The following LMO1 variants were observed in gnomAD, a reference collection of about 807,000 sequenced individuals.
LMO1 encodes the protein rhombotin-1.
LMO1 carries 10 observed loss-of-function variants against 18.0 expected under a neutral mutation model. That is an observed-to-expected ratio of 0.55 (90% CI 0.34 to 0.94). LMO1 has a LOEUF of 0.94. Ranked by LOEUF, LMO1 falls within the 40% of genes least tolerant of loss-of-function variation. The probability of loss-of-function intolerance (pLI) is 0.02; values close to 1 mark genes in which losing one functional copy is unlikely to be tolerated. For missense variants in LMO1, 183 were observed against 205.7 expected, an observed-to-expected ratio of 0.89 and a Z score of 0.68; for synonymous variants, 77 against 77.9, an observed-to-expected ratio of 0.99 and a Z score of 0.06.
At chr11:8,227,241 G>A (rs926280816) in intron 2 of LMO1, 141 bp from the exon 3 acceptor site, 7 of 1,355,560 alleles carry the variant, frequency 5.2e-6, no homozygotes, top group Non-Finnish European at 5.9e-6. Flanking sequence ...TAGGATAAGA[G>A]CACTGAGGGC....
At chr11:8,250,876 A>G (rs148562533) in intron 1 of LMO1, among the ~76,000 whole-genome samples, 1 of 152,356 alleles carries the variant, frequency 6.6e-6, no homozygotes, top group East Asian at 1.9e-4. Context: ...GCCCTAGGCT[A>G]TGACTTCCAC....
rs529126899 is a variant in LMO1 at position 8,262,395 on chromosome 11, T to C, written c.25+943A>G. Reference sequence around the variant, plus strand: ...CAAGGTACTGCCTCTCTCCTTACCCTGGGGACTCATCTTAGGGCACCCACT... The same window carrying C: ...CAAGGTACTGCCTCTCTCCTTACCCCGGGGACTCATCTTAGGGCACCCACT... On this transcript the variant is annotated intron_variant, in intron 1 of 3. Coordinates refer to ENST00000335790, the MANE Select transcript of LMO1 (RefSeq NM_002315.3). 4.6e-5 allele frequency among the ~76,000 whole-genome samples: 7 copies of C among 152,268 alleles called. No individual in the cohort carries two copies. In the South Asian group the frequency reaches 1.4e-3, roughly 32 times the overall value.
Position 8,263,650 on chromosome 11 carries a change from G to A in LMO1, c.-288C>T. 7.6e-7 allele frequency: 1 copy of A among 1,320,914 alleles called. No homozygotes were observed. The highest frequency in any genetic ancestry group is 9.6e-7 in the Non-Finnish European group (1 of 1,039,266). The allele number at this position is 1,320,914 out of a possible 1,614,324, so 81.8% of individuals were successfully genotyped here. On this transcript the variant is annotated 5_prime_UTR_variant, in exon 1 of 4. Coordinates refer to ENST00000335790, the MANE Select transcript of LMO1 (RefSeq NM_002315.3). ...AGAGAGAAGGGGGAAAAGAGGATCAGAGCCGTTTCTTTGATTCTCACCTTC... is the reference window on the plus strand; with the variant it reads ...AGAGAGAAGGGGGAAAAGAGGATCAAAGCCGTTTCTTTGATTCTCACCTTC...
intron 1 of LMO1, among the ~76,000 whole-genome samples, chr11:8,254,201 A>T (rs1449056627): frequency 6.6e-6 from 1 of 152,212 alleles, no homozygotes; most frequent in Non-Finnish European, 1.5e-5. Flanking sequence ...CACAAAAGAA[A>T]TATTACTGTC....
upstream of LMO1, among the ~76,000 whole-genome samples, chr11:8,265,696 C>T (rs898764391): frequency 4.6e-5 from 7 of 152,312 alleles, no homozygotes; most frequent in African/African-American, 1.2e-4. Flanking sequence ...CCGCTGCCAC[C>T]GGCATATTTG....
At chr11:8,226,920 C>A in intron 3 of LMO1, 55 bp downstream of exon 3, 2 of 1,564,942 alleles carry the variant, frequency 1.3e-6, no homozygotes, top group East Asian at 2.3e-5. Context: ...CCCATCCCAG[C>A]AGGCCTCAGG....
At chr11:8,224,769 G>T (rs1404725420) in intron 3 of LMO1, 48 bp from the exon 4 acceptor site, 2 of 1,269,690 alleles carry the variant, frequency 1.6e-6, no homozygotes, top group South Asian at 2.5e-5. Context: ...GTCCCAGTGG[G>T]TAAGGGGGGG....
At chr11:8,234,309 G>A (rs758251350) in intron 1 of LMO1, among the ~76,000 whole-genome samples, 1 of 152,090 alleles carries the variant, frequency 6.6e-6, no homozygotes, top group Non-Finnish European at 1.5e-5. Context: ...TGACGGGGAC[G>A]CACTGCCAGA....
intron 1 of LMO1, among the ~76,000 whole-genome samples, chr11:8,259,014 C>T (rs1022172367): frequency 6.6e-6 from 1 of 152,206 alleles, no homozygotes; most frequent in Non-Finnish European, 1.5e-5. Context: ...TACACGCTCC[C>T]GTGCCTCCCC....
intron 1 of LMO1, among the ~76,000 whole-genome samples, chr11:8,253,815 G>A (rs530539831): frequency 6.6e-6 from 1 of 151,872 alleles, no homozygotes; most frequent in Admixed American, 6.6e-5. Flanking sequence ...TTTCCCCGCC[G>A]AGACTCAGAG....
chr11:8,232,651 C>G (rs1339752824), intron 1 of LMO1, among the ~76,000 whole-genome samples: 1 of 152,180 alleles, frequency 6.6e-6, no homozygotes, highest in African/African-American at 2.4e-5. Flanking sequence ...GGCTCACGTT[C>G]CTTTTGCTCA....
At position 8,224,628 on chromosome 11, in the gene LMO1, G is replaced by A; in HGVS notation, c.459C>T (p.Ser153=). The change falls in exon 4 of 4, where the codon TCC becomes TCT. Residue 153 remains serine (S), a synonymous_variant. Transcript: ENST00000335790. ...CAGGCGCCGGGCGTTACTGAACTTG[G>A]GATTCAAAGGTGCCATTGAGCTGCC... is the stretch of plus-strand genomic sequence containing the variant. The part of the protein sequence containing the change: ...EEGQLNGTFE[S]QVQ 6.2e-7 allele frequency: 1 copy of A among 1,603,412 alleles called. No homozygotes were observed.
chr11:8,260,559 G>A (rs1394006066), intron 1 of LMO1, among the ~76,000 whole-genome samples: 1 of 148,428 alleles, frequency 6.7e-6, no homozygotes, highest in Non-Finnish European at 1.5e-5. Context: ...TATTAATAAT[G>A]CACTGTGCTT....
chr11:8,267,116 C>T (rs1305698625), upstream of LMO1, among the ~76,000 whole-genome samples: 1 of 152,220 alleles, frequency 6.6e-6, no homozygotes, highest in Admixed American at 6.5e-5. Context: ...GACAGGCCTT[C>T]TTGCAAGCAG....
At chr11:8,234,080 C>T (rs1952718933) in intron 1 of LMO1, among the ~76,000 whole-genome samples, 1 of 152,194 alleles carries the variant, frequency 6.6e-6, no homozygotes, top group Non-Finnish European at 1.5e-5. Context: ...AACCAGTCCA[C>T]TCAACCCAGG....
intron 1 of LMO1, among the ~76,000 whole-genome samples, chr11:8,244,344 G>A (rs1467268054): frequency 6.6e-6 from 1 of 152,186 alleles, no homozygotes; most frequent in Admixed American, 6.5e-5. Context: ...AGCGTACCTG[G>A]GGAATGTTTA....
chr11:8,224,634 A>C lies in LMO1; in HGVS notation c.453T>G (p.Phe151Leu). The C allele has an allele frequency of 6.2e-7, 1 of 1,605,860 alleles. No individual in the cohort carries two copies. The highest frequency in any genetic ancestry group is 8.5e-7 in the Non-Finnish European group (1 of 1,175,228). Residue 151 changes from phenylalanine to leucine, a missense_variant, in exon 4 of 4, where the codon TTT becomes TTG. Physicochemically the swap from Phe to Leu is conservative, Grantham distance 22 (BLOSUM62 0). Coordinates refer to ENST00000335790, the MANE Select transcript of LMO1 (RefSeq NM_002315.3). Reference sequence around the variant, plus strand: ...CCGGGCGTTACTGAACTTGGGATTCAAAGGTGCCATTGAGCTGCCCTTCCT... The same window carrying C: ...CCGGGCGTTACTGAACTTGGGATTCCAAGGTGCCATTGAGCTGCCCTTCCT... ...DYEEGQLNGT[F>L]ESQVQ
chr11:8,245,623 G>C (rs1846881085), intron 1 of LMO1, among the ~76,000 whole-genome samples: 2 of 152,190 alleles, frequency 1.3e-5, no homozygotes, highest in South Asian at 4.1e-4. Flanking sequence ...TCTCACTGGG[G>C]AAGTACCAGG....
At chr11:8,262,557 G>T (rs1374542950) in intron 1 of LMO1, among the ~76,000 whole-genome samples, 2 of 152,186 alleles carry the variant, frequency 1.3e-5, no homozygotes, top group Non-Finnish European at 2.9e-5. Context: ...CCTCTGTTCC[G>T]ACCTTTCCCG....
Sources: allele counts gnomAD v4.1 joint callset (sites outside exome capture counted in the v4.1 genomes callset), GRCh38; gene constraint gnomAD v4.1.1; transcripts MANE v1.5; gene names NCBI Gene and HGNC (gene_info 2026-07-23, HGNC 2026-07-21).